VRK2: variants seen among roughly 807,000 people sequenced by gnomAD.
The protein encoded by VRK2 is VRK serine/threonine kinase 2, also known as serine/threonine-protein kinase VRK2.
In VRK2, 60 loss-of-function variants were observed where a neutral mutation model predicts 57.6. That is an observed-to-expected ratio of 1.04 (90% CI 0.85 to 1.29). The LOEUF is 1.29. VRK2 is among the 50% of genes most tolerant of loss of function. VRK2 has a pLI of 0.00. For synonymous variants in VRK2, 231 were observed against 199.2 expected, an observed-to-expected ratio of 1.16 and a Z score of -1.35; for missense variants, 705 against 588.1, an observed-to-expected ratio of 1.20 and a Z score of -2.06.
chr2:58,155,112 G>T (rs557722476), intron 12 of VRK2, among the ~76,000 whole-genome samples: 1 of 152,228 alleles, frequency 6.6e-6, no homozygotes, highest in South Asian at 2.1e-4. Context: ...GTTTGGGGGT[G>T]AAGTAGTCTA....
intron 2 of VRK2, among the ~76,000 whole-genome samples, chr2:58,069,462 C>T (rs1482307061): frequency 6.6e-6 from 1 of 152,132 alleles, no homozygotes; most frequent in African/African-American, 2.4e-5. Context: ...TACTTATTCT[C>T]TGGGATCTCC....
intron 2 of VRK2, among the ~76,000 whole-genome samples, chr2:58,079,789 T>C (rs1670605282): frequency 6.6e-6 from 1 of 152,022 alleles, no homozygotes; most frequent in South Asian, 2.1e-4. Context: ...CCCTGATTCA[T>C]TTCATTGAAA....
At chr2:57,992,783 G>A (rs1487027299) in intron 1 of VRK2, among the ~76,000 whole-genome samples, 2 of 152,110 alleles carry the variant, frequency 1.3e-5, no homozygotes, top group Non-Finnish European at 2.9e-5. Flanking sequence ...TGATCCAGCC[G>A]CCTCGGCCTC....
chr2:57,932,870 T>G (rs1343613722), intron 1 of VRK2, among the ~76,000 whole-genome samples: 1 of 152,192 alleles, frequency 6.6e-6, no homozygotes, highest in Non-Finnish European at 1.5e-5. Context: ...TTCCATAATT[T>G]TGGTATTTTG....
rs1408807730 is a variant in VRK2 at position 58,159,605 on chromosome 2, G to C, written c.1439G>C (p.Ser480Thr). The C allele has an allele frequency of 1.2e-6, 2 of 1,613,662 alleles. No homozygotes were observed. Among genetic ancestry groups the C allele is most frequent in the African/African-American group, 2.7e-5 (2 of 74,908 alleles). ...CCTACAATTTCCCAGTTTACTCTTAGTGAAGAGACAAACGCAGATGTTTAT... is the reference window on the plus strand; with the variant it reads ...CCTACAATTTCCCAGTTTACTCTTACTGAAGAGACAAACGCAGATGTTTAT... ...LWPTISQFTLSEETNADVYYY... is the reference protein window; with the variant it reads ...LWPTISQFTLTEETNADVYYY... The change falls in exon 13 of 13, where the codon AGT (serine) becomes ACT (threonine). Residue 480 changes from serine to threonine, a missense_variant. Physicochemically the swap from Ser to Thr is moderately conservative, Grantham distance 58. Coordinates refer to ENST00000340157, the MANE Select transcript of VRK2 (RefSeq NM_006296.7).
At chr2:57,948,107 G>A (rs72808468) in intron 1 of VRK2, among the ~76,000 whole-genome samples, 13,898 of 152,100 alleles carry the variant, frequency 0.091, 681 homozygotes, top group East Asian at 0.17. Context: ...TTTATGCAAG[G>A]ATGTTTTATA....
chr2:58,044,969 C>G (rs1484911084), upstream of VRK2, among the ~76,000 whole-genome samples: 1 of 152,192 alleles, frequency 6.6e-6, no homozygotes, highest in African/African-American at 2.4e-5. Flanking sequence ...GACAGCCTAT[C>G]TCTCAATCCT....
intron 1 of VRK2, among the ~76,000 whole-genome samples, chr2:57,944,811 T>TC (rs34606806): frequency 7.9e-6 from 1 of 126,212 alleles, no homozygotes; most frequent in African/African-American, 4.6e-5. Context: ...AAAAAAGTCA[T>TC]CCCCCTTGTT....
rs72808495 is a variant in VRK2, at chr2:57,996,862, C to T, written c.-438-28803C>T. The stretch of plus-strand genomic sequence containing the variant: ...TATAATACCTAATGAAATGTAAATG[C>T]TATATAAATAGTTGTTGCACCATAT... On this transcript the variant is annotated intron_variant, in intron 1 of 15. Transcript: ENST00000417641. Among the ~76,000 whole-genome samples the T allele has an allele frequency of 3.0e-3, 462 of 152,014 alleles. 2 individuals are homozygous for T. Among genetic ancestry groups the T allele is most frequent in the Non-Finnish European group, 3.5e-3 (239 of 67,972 alleles).
At chr2:58,137,156 T>TTATATATATCATATATCATATAATCA (rs1680382947) in intron 10 of VRK2, among the ~76,000 whole-genome samples, 2 of 24,442 alleles carry the variant, frequency 8.2e-5, no homozygotes, top group Non-Finnish European at 1.6e-4. Context: ...TATCATGTGT[T>TTATATATATCATATATCATATAATCA]TATATATATC....
chr2:58,043,150 T>A (rs919708315), upstream of VRK2, among the ~76,000 whole-genome samples: 2 of 152,188 alleles, frequency 1.3e-5, no homozygotes, highest in Non-Finnish European at 2.9e-5. Flanking sequence ...AGATTTTGGC[T>A]GCAAGAAATA....
At chr2:58,074,018 G>A (rs766859924) in intron 2 of VRK2, among the ~76,000 whole-genome samples, 15 of 151,996 alleles carry the variant, frequency 9.9e-5, no homozygotes, top group South Asian at 2.1e-4. Flanking sequence ...GACAGGTCCC[G>A]GATAAATACT....
chr2:58,057,789 A>C (rs1388606081), intron 2 of VRK2, among the ~76,000 whole-genome samples: 1 of 152,040 alleles, frequency 6.6e-6, no homozygotes, highest in Non-Finnish European at 1.5e-5. Flanking sequence ...GGGGTATTTT[A>C]TGTTTGAGGT....
At chr2:57,914,402 C>T (rs754430135) in intron 1 of VRK2, among the ~76,000 whole-genome samples, 1 of 152,040 alleles carries the variant, frequency 6.6e-6, no homozygotes, top group East Asian at 1.9e-4. Context: ...TAATATAACT[C>T]TATCCCGATT....
intron 1 of VRK2, among the ~76,000 whole-genome samples, chr2:57,909,369 T>C (rs1162371176): frequency 6.6e-6 from 1 of 152,186 alleles, no homozygotes; most frequent in African/African-American, 2.4e-5. Flanking sequence ...ATAGCATCAC[T>C]ATGGAGATTA....
At chr2:58,094,842 TAACAA>T (rs1259265686) in intron 7 of VRK2, among the ~76,000 whole-genome samples, 1 of 152,214 alleles carries the variant, frequency 6.6e-6, no homozygotes, top group Non-Finnish European at 1.5e-5. Context: ...TCTATTTATA[TAACAA>T]TACTAGCCAT....
chr2:58,070,443 T>C (rs1669222241), intron 2 of VRK2, among the ~76,000 whole-genome samples: 3 of 152,284 alleles, frequency 2.0e-5, no homozygotes, highest in South Asian at 2.1e-4. Context: ...TGCCTTGAAA[T>C]TGCCTTGTGC....
At chr2:58,034,926 T>C (rs1383264248) in intron 3 of VRK2, among the ~76,000 whole-genome samples, 4 of 152,016 alleles carry the variant, frequency 2.6e-5, no homozygotes, top group South Asian at 4.1e-4. Context: ...TGCAAACATA[T>C]GATATAGTCC....
intron 1 of VRK2, among the ~76,000 whole-genome samples, chr2:57,911,781 C>A (rs1182856810): frequency 6.6e-6 from 1 of 152,084 alleles, no homozygotes; most frequent in East Asian, 1.9e-4. Context: ...GAAAATCAGA[C>A]CAAACCAGAC....
Sources: gnomAD v4.1 joint callset for allele counts (sites outside exome capture counted in the v4.1 genomes callset) on GRCh38, gnomAD v4.1.1 for gene constraint, MANE v1.5 for transcripts, NCBI Gene and HGNC (gene_info 2026-07-23, HGNC 2026-07-21) for gene names.